ASIC2: variants seen among roughly 807,000 people sequenced by gnomAD.
ASIC2 encodes acid sensing ion channel subunit 2, also known as acid-sensing ion channel 2.
Under a neutral mutation model 57.3 loss-of-function variants are expected in ASIC2, and 25 were observed. The observed-to-expected ratio is 0.44, with a 90% confidence interval of 0.32 to 0.61. The LOEUF (loss-of-function observed/expected upper bound fraction) is 0.61. ASIC2 is among the 20% of genes least tolerant of loss of function. The probability of loss-of-function intolerance (pLI) is 0.06; values close to 1 mark genes in which losing one functional copy is unlikely to be tolerated. For synonymous variants in ASIC2, 319 were observed against 307.5 expected (o/e 1.04, Z -0.39); for missense variants, 641 against 738.1 (o/e 0.87, Z 1.52).
intron 1 of ASIC2, among the ~76,000 whole-genome samples, chr17:34,086,933 C>T (rs2142083913): frequency 6.6e-6 from 1 of 152,104 alleles, no homozygotes; most frequent in East Asian, 1.9e-4. Context: ...CTATGTGTGT[C>T]TCTGCATGGG....
chr17:33,646,707 G>A (rs1597820199), intron 1 of ASIC2, among the ~76,000 whole-genome samples: 1 of 152,252 alleles, frequency 6.6e-6, no homozygotes, highest in East Asian at 1.9e-4. Context: ...AGCTGGGATG[G>A]GGCTGTCGGT....
intron 1 of ASIC2, among the ~76,000 whole-genome samples, chr17:34,150,337 A>C (rs1452911378): frequency 6.6e-6 from 1 of 152,182 alleles, no homozygotes; most frequent in Non-Finnish European, 1.5e-5. Flanking sequence ...TAATGCCTAG[A>C]GTTAATAACA....
intron 1 of ASIC2, among the ~76,000 whole-genome samples, chr17:33,591,972 C>T (rs1213577252): frequency 6.6e-6 from 1 of 152,152 alleles, no homozygotes; most frequent in Non-Finnish European, 1.5e-5. Flanking sequence ...GCCTCTGCTC[C>T]TATACCTAAG....
In ASIC2 at chr17:33,802,735, C is replaced by T. The variant is rs143599102; in HGVS notation, c.555+353243G>A. 8.2e-4 allele frequency among the ~76,000 whole-genome samples: 125 copies of T among 152,358 alleles called. No homozygotes were observed. In the South Asian group the frequency reaches 9.5e-3, roughly 12 times the overall value. Reference sequence around the variant, plus strand: ...AACAAAAAGAACAGTTAAATGAAAACTTTGTTTTTGTCTGCCGTTGGCCTA... The same window carrying T: ...AACAAAAAGAACAGTTAAATGAAAATTTTGTTTTTGTCTGCCGTTGGCCTA... On this transcript the variant is annotated intron_variant, in intron 1 of 9. Coordinates refer to the ASIC2 transcript ENST00000359872.
At chr17:33,016,789 G>C (rs2091808246) in intron 8 of ASIC2, among the ~76,000 whole-genome samples, 2 of 151,996 alleles carry the variant, frequency 1.3e-5, no homozygotes, top group African/African-American at 2.4e-5. Flanking sequence ...GACTTCATAG[G>C]TCCAGGCATT....
Position 33,261,452 on chromosome 17 carries a change from A to G in ASIC2, c.708+29956T>C, listed in dbSNP as rs1165716357. On this transcript the variant is annotated intron_variant, in intron 1 of 9. Coordinates refer to ENST00000225823, the MANE Select transcript of ASIC2 (RefSeq NM_183377.2). ...AGGGGAAACTGCAAGGAAGCACGGA[A>G]CTATGCTTTGTCATGGGCCTCTGGT... is the stretch of plus-strand genomic sequence containing the variant. 7.9e-5 allele frequency among the ~76,000 whole-genome samples: 12 copies of G among 152,316 alleles called. No homozygotes were observed. In the East Asian group the frequency reaches 1.7e-3, roughly 22 times the overall value.
At chr17:33,758,919 A>C (rs1301714007) in intron 1 of ASIC2, among the ~76,000 whole-genome samples, 2 of 13,026 alleles carry the variant, frequency 1.5e-4, no homozygotes, top group African/African-American at 2.3e-3. Flanking sequence ...GCTAATACCA[A>C]AAAAAAAAAA....
intron 1 of ASIC2, among the ~76,000 whole-genome samples, chr17:33,271,751 C>A (rs975640893): frequency 5.9e-5 from 9 of 152,226 alleles, no homozygotes; most frequent in African/African-American, 2.2e-4. Flanking sequence ...GTCATCCAGC[C>A]TCCATTCTTA....
chr17:33,268,702 C>T (rs577249962), intron 1 of ASIC2, among the ~76,000 whole-genome samples: 11 of 152,196 alleles, frequency 7.2e-5, no homozygotes, highest in African/African-American at 2.4e-4. Context: ...CACCTACCAC[C>T]GTCCCAAGCA....
chr17:33,764,481 T>A (rs1176975782), intron 1 of ASIC2, among the ~76,000 whole-genome samples: 2 of 152,092 alleles, frequency 1.3e-5, no homozygotes, highest in Admixed American at 6.5e-5. Flanking sequence ...TTCTTACAGC[T>A]GTGGAGGCTG....
At chr17:33,305,160 G>A (rs1480894790) in intron 1 of ASIC2, among the ~76,000 whole-genome samples, 1 of 152,110 alleles carries the variant, frequency 6.6e-6, no homozygotes, top group East Asian at 1.9e-4. Context: ...AACTCCCACG[G>A]TATCCCTAAC....
chr17:33,224,267 C>A (rs926831030), intron 1 of ASIC2, among the ~76,000 whole-genome samples: 2 of 152,122 alleles, frequency 1.3e-5, no homozygotes, highest in African/African-American at 4.8e-5. Context: ...ATTCATGAGG[C>A]CAGATATAAA....
intron 1 of ASIC2, among the ~76,000 whole-genome samples, chr17:33,301,103 C>CA (rs1475764742): frequency 4.6e-5 from 7 of 151,944 alleles, no homozygotes; most frequent in Non-Finnish European, 1.0e-4. Context: ...GATCTCGACT[C>CA]ACGGCAACCT....
chr17:33,356,099 AAGTT>A (rs951539559), intron 1 of ASIC2, among the ~76,000 whole-genome samples: 4 of 152,156 alleles, frequency 2.6e-5, no homozygotes, highest in Non-Finnish European at 4.4e-5. Context: ...GCATGTGTAA[AAGTT>A]AGAGAACTCC....
chr17:33,673,897 C>CTTTTTTTTTTTTTTTTTTTTTTTT (rs574986885), intron 1 of ASIC2, among the ~76,000 whole-genome samples: 2 of 141,158 alleles, frequency 1.4e-5, no homozygotes, highest in African/African-American at 5.4e-5. Context: ...GCATCCGTGT[C>CTTTTTTTTTTTTTTTTTTTTTTTT]TTTTTTTTTT....
intron 1 of ASIC2, among the ~76,000 whole-genome samples, chr17:33,214,021 A>G (rs965430437): frequency 4.0e-5 from 6 of 150,850 alleles, no homozygotes; most frequent in Non-Finnish European, 7.4e-5. Context: ...TAATGTGCAC[A>G]CTTCCCTGAG....
chr17:33,764,463 G>T (rs561995075), intron 1 of ASIC2, among the ~76,000 whole-genome samples: 1 of 152,096 alleles, frequency 6.6e-6, no homozygotes, highest in South Asian at 2.1e-4. Context: ...TAAAGAAAAA[G>T]AATTTGTTTC....
intron 1 of ASIC2, among the ~76,000 whole-genome samples, chr17:33,453,275 A>G (rs1209326326): frequency 8.0e-6 from 1 of 124,740 alleles, no homozygotes; most frequent in Non-Finnish European, 1.8e-5. Context: ...TCCTTTCTAC[A>G]AAGCAGGTGA....
chr17:33,278,150 T>C (rs1476627224), intron 1 of ASIC2, among the ~76,000 whole-genome samples: 1 of 151,196 alleles, frequency 6.6e-6, no homozygotes, highest in Non-Finnish European at 1.5e-5. Flanking sequence ...CCTCCCCTGC[T>C]CCCTGGCTTC....
Sources: allele counts gnomAD v4.1 joint callset (sites outside exome capture counted in the v4.1 genomes callset), GRCh38; gene constraint gnomAD v4.1.1; transcripts MANE v1.5; gene names NCBI Gene and HGNC (gene_info 2026-07-23, HGNC 2026-07-21).